PCSK6: variants seen among roughly 807,000 people sequenced by gnomAD.
PCSK6 encodes proprotein convertase subtilisin/kexin type 6.
Under a neutral mutation model 123.3 loss-of-function variants are expected in PCSK6, and 85 were observed. That is an observed-to-expected ratio of 0.69 (90% CI 0.58 to 0.83). The LOEUF is 0.83. Among genes scored for constraint, PCSK6 ranks in the 40% least tolerant of loss-of-function variants. The pLI, the probability that PCSK6 is intolerant of heterozygous loss-of-function variation, is 0.00. For missense variants in PCSK6, 1,191 were observed against 1,282.3 expected (o/e 0.93, Z 1.09); for synonymous variants, 508 against 516.0 (o/e 0.98, Z 0.21).
At chr15:101,436,396 T>C (rs1346504248) in intron 2 of PCSK6, among the ~76,000 whole-genome samples, 2 of 152,184 alleles carry the variant, frequency 1.3e-5, no homozygotes, top group East Asian at 1.9e-4. Context: ...TTCTGCACAG[T>C]TGTAGCCAAC....
At chr15:101,413,369 G>C (rs546468022) in intron 6 of PCSK6, among the ~76,000 whole-genome samples, 6 of 151,814 alleles carry the variant, frequency 4.0e-5, no homozygotes, top group Non-Finnish European at 7.4e-5. Flanking sequence ...AATACCAAGG[G>C]TAGCCACTAA....
At chr15:101,476,588 CT>C (rs2057737249) in intron 1 of PCSK6, among the ~76,000 whole-genome samples, 1 of 147,884 alleles carries the variant, frequency 6.8e-6, no homozygotes, top group Admixed American at 6.7e-5. Context: ...AACAAAAATT[CT>C]TTTTGTGTGT....
At chr15:101,479,778 C>G (rs1475291801) in intron 1 of PCSK6, among the ~76,000 whole-genome samples, 1 of 151,760 alleles carries the variant, frequency 6.6e-6, no homozygotes, top group Non-Finnish European at 1.5e-5. Flanking sequence ...CCCTTCCCCT[C>G]CACCACCTTC....
intron 13 of PCSK6, among the ~76,000 whole-genome samples, chr15:101,340,943 A>C (rs574651008): frequency 6.0e-5 from 9 of 148,952 alleles, no homozygotes; most frequent in East Asian, 1.9e-4. Flanking sequence ...TGCTTCTCCC[A>C]AATTTTTTTT....
intron 1 of PCSK6, among the ~76,000 whole-genome samples, chr15:101,480,299 C>A (rs2057842068): frequency 6.6e-6 from 1 of 152,260 alleles, no homozygotes; most frequent in African/African-American, 2.4e-5. Context: ...CTTCCCAGCC[C>A]AATTCAGTAA....
rs1283801051 is a variant in PCSK6, at chr15:101,305,028, C to G, written c.*230G>C. On this transcript the variant is annotated 3_prime_UTR_variant, in exon 22 of 22. Transcript: ENST00000611716. This position sits in a 1 kb window ranked among gnomAD's most constrained non-coding sequence, Gnocchi z 4.8. ...ATTCATTTTGTTCCTGTTAGTTTGT[C>G]GGAAGACTGGAGCCAACAAGCAGCA... The G allele has an allele frequency of 1.9e-6, 1 of 522,098 alleles. No homozygotes were observed. The highest frequency in any genetic ancestry group is 3.4e-6 in the Non-Finnish European group (1 of 292,358). 32.3% of individuals were successfully genotyped at this position (522,098 alleles called of 1,614,324 possible). A position where few individuals can be genotyped will look rare whatever the true frequency, so the allele number is the denominator to read the frequency against.
At chr15:101,457,756 C>T (rs965214310) in intron 1 of PCSK6, among the ~76,000 whole-genome samples, 2 of 152,156 alleles carry the variant, frequency 1.3e-5, no homozygotes, top group South Asian at 4.2e-4. Flanking sequence ...CACAGGCAGC[C>T]CTGGCCACCC....
chr15:101,352,723 T>C (rs1462149260), intron 13 of PCSK6, among the ~76,000 whole-genome samples: 1 of 152,250 alleles, frequency 6.6e-6, no homozygotes, highest in African/African-American at 2.4e-5. Flanking sequence ...AGAATTTCTC[T>C]AGCTATTATC....
At chr15:101,384,483 G>C in intron 9 of PCSK6, 58 bp from the exon 10 acceptor site, 2 of 1,460,006 alleles carry the variant, frequency 1.4e-6, no homozygotes, top group Non-Finnish European at 9.4e-7. Context: ...AGCCACACAG[G>C]CCACTCAGAG....
At chr15:101,319,998 A>G (rs932756424) in intron 18 of PCSK6, among the ~76,000 whole-genome samples, 6 of 152,170 alleles carry the variant, frequency 3.9e-5, no homozygotes, top group Non-Finnish European at 8.8e-5. Context: ...CTCGTGATTG[A>G]CATCAAAGTG....
intron 1 of PCSK6, among the ~76,000 whole-genome samples, chr15:101,486,730 G>T (rs1478176905): frequency 6.6e-6 from 1 of 152,192 alleles, no homozygotes; most frequent in Non-Finnish European, 1.5e-5. Context: ...ACTGAATCCA[G>T]TTATTAGTTG....
At chr15:101,401,234 C>T (rs1027719641) in intron 6 of PCSK6, among the ~76,000 whole-genome samples, 4 of 152,224 alleles carry the variant, frequency 2.6e-5, no homozygotes, top group Admixed American at 1.3e-4. Flanking sequence ...GTGTCAGCCA[C>T]GTGGGCGTGG....
At chr15:101,364,920 A>T (rs777098490) in intron 13 of PCSK6, 1 of 723,312 alleles carries the variant, frequency 1.4e-6, no homozygotes, top group Non-Finnish European at 2.6e-6. Flanking sequence ...ACAAAGCTAC[A>T]GTGATCAAAA....
At chr15:101,390,208 C>T (rs976535951) in intron 8 of PCSK6, among the ~76,000 whole-genome samples, 4 of 152,246 alleles carry the variant, frequency 2.6e-5, no homozygotes, top group African/African-American at 4.8e-5. Flanking sequence ...CTGCCCTCCT[C>T]GGAGGCACTG....
intron 20 of PCSK6, chr15:101,313,084 G>T: frequency 7.4e-7 from 1 of 1,342,288 alleles, no homozygotes. Context: ...GCGCGACATG[G>T]GCAGGGACGT....
At chr15:101,476,299 T>C (rs1440391767) in intron 1 of PCSK6, among the ~76,000 whole-genome samples, 1 of 152,202 alleles carries the variant, frequency 6.6e-6, no homozygotes, top group African/African-American at 2.4e-5. Flanking sequence ...ACAGAAATTC[T>C]CACAAGTGCA....
intron 1 of PCSK6, among the ~76,000 whole-genome samples, chr15:101,454,596 G>A (rs1431035763): frequency 6.6e-6 from 1 of 152,192 alleles, no homozygotes; most frequent in African/African-American, 2.4e-5. Context: ...ACAGAATGTG[G>A]TTGCCAGGGG....
At chr15:101,388,873 T>C (rs535499524) in intron 9 of PCSK6, among the ~76,000 whole-genome samples, 1 of 152,176 alleles carries the variant, frequency 6.6e-6, no homozygotes, top group South Asian at 2.1e-4. Context: ...GAAAGTAGAA[T>C]GGTGGTTGCC....
In PCSK6 at chr15:101,481,314, G is replaced by A. The variant is rs114453097; in HGVS notation, c.297+8060C>T. Reference sequence around the variant, plus strand: ...AGCAGAACTTGGAAGGCTGAGGGGCGAATCTGGTGACGGGTGGGAAGGCTG... The same window carrying A: ...AGCAGAACTTGGAAGGCTGAGGGGCAAATCTGGTGACGGGTGGGAAGGCTG... On this transcript the variant is annotated intron_variant, in intron 1 of 21. Transcript: ENST00000611716. Among the ~76,000 whole-genome samples, 944 of 126,690 alleles carry A rather than the reference G, an allele frequency of 7.5e-3. 13 individuals carry two copies. Among genetic ancestry groups the A allele is most frequent in the African/African-American group, 0.025 (905 of 35,804 alleles). The allele number at this position is 126,690 out of a possible 152,430, so 83.1% of individuals were successfully genotyped here.
Sources: gnomAD v4.1 joint callset for allele counts (sites outside exome capture counted in the v4.1 genomes callset) on GRCh38, gnomAD v4.1.1 for gene constraint, Gnocchi (gnomAD v3.1) non-coding constraint, MANE v1.5 for transcripts, NCBI Gene and HGNC (gene_info 2026-07-23, HGNC 2026-07-21) for gene names.